The following WDR47 variants were observed in gnomAD, a reference collection of about 807,000 sequenced individuals.
WDR47 encodes the protein WD repeat-containing protein 47.
WDR47 carries 32 observed loss-of-function variants against 97.2 expected under a neutral mutation model. The observed-to-expected ratio is 0.33, with a 90% CI of 0.25 to 0.44. WDR47 has a LOEUF of 0.44. Among genes scored for constraint, WDR47 ranks in the 20% least tolerant of loss-of-function variants. WDR47 has a pLI of 1.00. For synonymous variants in WDR47, 375 were observed against 373.5 expected, an observed-to-expected ratio of 1.00 and a Z score of -0.05; for missense variants, 782 against 1,102.3, an observed-to-expected ratio of 0.71 and a Z score of 4.11.
intron 13 of WDR47, among the ~76,000 whole-genome samples, chr1:108,980,038 G>A (rs1658223897): frequency 6.6e-6 from 1 of 152,160 alleles, no homozygotes; most frequent in Admixed American, 6.5e-5. Context: ...GCACATGTAA[G>A]GTATCTAGGT....
chr1:109,028,741 G>A (rs958461795), intron 1 of WDR47, among the ~76,000 whole-genome samples: 4 of 151,948 alleles, frequency 2.6e-5, no homozygotes, highest in African/African-American at 9.6e-5. Flanking sequence ...ATGAGCCACC[G>A]TGCCTGGCCT....
chr1:108,983,439 A>C lies in WDR47; in HGVS notation c.1938T>G (p.Thr646=). The C allele has an allele frequency of 6.3e-7, 1 of 1,597,288 alleles. No individual in the cohort carries two copies. Among genetic ancestry groups the C allele is most frequent in the Middle Eastern group, 1.7e-4 (1 of 5,994 alleles). The stretch of plus-strand genomic sequence containing the variant: ...TAAAACGTACCACCGGCTGCTTAGG[A>C]GTCTCATGTGCACTGAAAAGAAAAA... ...PDVIDPSAHE[T]PKQPVVRFKR... is the part of the protein sequence containing the mutation. The change falls in exon 11 of 15, where the codon ACT becomes ACG. Residue 646 remains threonine (T), a synonymous_variant. Transcript: ENST00000369962.
At chr1:108,982,868 A>C (rs1246650927) in intron 11 of WDR47, 89 bp from the exon 12 acceptor site, 1 of 1,360,126 alleles carries the variant, frequency 7.4e-7, no homozygotes, top group Non-Finnish European at 1.0e-6. Flanking sequence ...AAACTGGTCA[A>C]GAATAATGGT....
At chr1:109,032,893 T>C (rs932555519) in intron 1 of WDR47, among the ~76,000 whole-genome samples, 1 of 149,660 alleles carries the variant, frequency 6.7e-6, no homozygotes, top group African/African-American at 2.5e-5. Flanking sequence ...TGACACTCTG[T>C]CCAAAAAAAA....
At chr1:108,981,592 G>T in intron 13 of WDR47, 141 bp downstream of exon 13, 2 of 817,648 alleles carry the variant, frequency 2.4e-6, no homozygotes, top group Non-Finnish European at 3.6e-6. Context: ...CAAGTATTGT[G>T]AAAGAACTGA....
intron 8 of WDR47, among the ~76,000 whole-genome samples, chr1:108,994,417 G>A (rs758993946): frequency 3.9e-4 from 59 of 151,952 alleles, no homozygotes; most frequent in Non-Finnish European, 7.6e-4. Flanking sequence ...AAACAAAACA[G>A]TAATAGAAGT....
At chr1:109,001,008 C>T (rs2101898883) in intron 7 of WDR47, among the ~76,000 whole-genome samples, 1 of 151,918 alleles carries the variant, frequency 6.6e-6, no homozygotes, top group Admixed American at 6.6e-5. Context: ...AACACACATA[C>T]ATAAGACCGG....
At chr1:108,973,335 T>C (rs920810238) in intron 14 of WDR47, among the ~76,000 whole-genome samples, 11 of 152,276 alleles carry the variant, frequency 7.2e-5, no homozygotes, top group African/African-American at 2.2e-4. Context: ...CTCCCTACCA[T>C]ACTAATTTTT....
chr1:108,989,486 T>C (rs1263907101), intron 9 of WDR47, among the ~76,000 whole-genome samples: 1 of 152,240 alleles, frequency 6.6e-6, no homozygotes, highest in African/African-American at 2.4e-5. Flanking sequence ...ATTATTTGTA[T>C]GAATTTGACT....
chr1:108,971,663 TAAA>T, intron 14 of WDR47, 91 bp from the exon 15 acceptor site: 1 of 1,366,576 alleles, frequency 7.3e-7, no homozygotes, highest in Non-Finnish European at 1.0e-6. Context: ...CATTACAGTA[TAAA>T]AAATCTTAAA....
chr1:109,019,324 A>G (rs1198911432), intron 2 of WDR47, among the ~76,000 whole-genome samples: 1 of 147,918 alleles, frequency 6.8e-6, no homozygotes, highest in African/African-American at 2.5e-5. Context: ...GGCACGTTAC[A>G]GTGAGCCGAA....
intron 12 of WDR47, among the ~76,000 whole-genome samples, chr1:108,982,381 A>C (rs75634859): frequency 0.026 from 3,898 of 151,848 alleles, 63 homozygotes; most frequent in Non-Finnish European, 0.041. Flanking sequence ...AAAAAATTTT[A>C]AACTATCCAA....
At position 109,030,778 on chromosome 1, in the gene WDR47, G is replaced by GA. The variant is rs1662565859; in HGVS notation, c.-9-7258dup. On this transcript the variant is annotated intron_variant, in intron 1 of 14. Coordinates refer to ENST00000369962, the MANE Select transcript of WDR47 (RefSeq NM_001142551.2). ...CCTTTAAAAAAAAAAAAAAAAAGGAGAAAAAAACTGCTAGCTGTTTTTAAT... is the reference window on the plus strand; with the variant it reads ...CCTTTAAAAAAAAAAAAAAAAAGGAGAAAAAAAACTGCTAGCTGTTTTTAAT... Among the ~76,000 whole-genome samples the GA allele has an allele frequency of 2.4e-5, 3 of 127,168 alleles. 1 individual carries two copies. Among genetic ancestry groups the GA allele is most frequent in the Non-Finnish European group, 5.1e-5 (3 of 58,392 alleles). The allele number at this position is 127,168 out of a possible 152,430, so 83.4% of individuals were successfully genotyped here. A position where few individuals can be genotyped will look rare whatever the true frequency, so the allele number is the denominator to read the frequency against.
At chr1:109,037,122 G>A (rs1184241190) in intron 1 of WDR47, among the ~76,000 whole-genome samples, 1 of 151,794 alleles carries the variant, frequency 6.6e-6, no homozygotes, top group Non-Finnish European at 1.5e-5. Flanking sequence ...CTGAGGTTGG[G>A]AGTTCAAGAC....
At position 109,011,076 on chromosome 1, in the gene WDR47, G is replaced by C; in HGVS notation, c.970C>G (p.Leu324Val). 4 of 1,614,108 alleles carry C rather than the reference G, an allele frequency of 2.5e-6. No homozygotes were observed. Among genetic ancestry groups the C allele is most frequent in the Non-Finnish European group, 3.4e-6 (4 of 1,180,034 alleles). ...NPALDGLTCGLTSHDKRISDL... is the reference protein window; with the variant it reads ...NPALDGLTCGVTSHDKRISDL... ...GAAATTCTCTTATCATGACTGGTTA[G>C]TCCACAGGTGAGGCCATCTAAAGCA... Residue 324 changes from leucine (L) to valine (V), a missense_variant, in exon 5 of 15, where the codon CTA (leucine) becomes GTA (valine). Leu to Val is a conservative substitution (Grantham distance 32, BLOSUM62 1). Coordinates refer to ENST00000369962, the MANE Select transcript of WDR47 (RefSeq NM_001142551.2).
At chr1:109,010,711 T>C (rs953643026) in intron 5 of WDR47, among the ~76,000 whole-genome samples, 3 of 150,918 alleles carry the variant, frequency 2.0e-5, no homozygotes, top group Non-Finnish European at 4.4e-5. Context: ...GCCTCCTGAA[T>C]AGCTGGGACT....
chr1:108,984,815 T>C (rs1417865922), intron 10 of WDR47, among the ~76,000 whole-genome samples: 1 of 152,012 alleles, frequency 6.6e-6, no homozygotes, highest in Non-Finnish European at 1.5e-5. Flanking sequence ...GAGGTGGAGG[T>C]TACAGTGAGC....
chr1:108,972,207 ATT>A (rs1267482848), intron 14 of WDR47, among the ~76,000 whole-genome samples: 1 of 152,076 alleles, frequency 6.6e-6, no homozygotes, highest in Non-Finnish European at 1.5e-5. Context: ...AGGAATCGTC[ATT>A]GATTCCTTTT....
At chr1:109,014,415 G>A (rs1018628029) in intron 3 of WDR47, among the ~76,000 whole-genome samples, 1 of 151,552 alleles carries the variant, frequency 6.6e-6, no homozygotes, top group Non-Finnish European at 1.5e-5. Flanking sequence ...AATAACTAGA[G>A]ACTTAAAGCT....
Sources: allele counts gnomAD v4.1 joint callset (sites outside exome capture counted in the v4.1 genomes callset), GRCh38; gene constraint gnomAD v4.1.1; transcripts MANE v1.5; gene names NCBI Gene and HGNC (gene_info 2026-07-23, HGNC 2026-07-21).